Variants in GSDMC observed in about 807,000 individuals in gnomAD.
GSDMC encodes the protein gasdermin-C.
GSDMC carries 59 observed loss-of-function variants against 58.0 expected under a neutral mutation model. That is an observed-to-expected ratio of 1.02 (90% CI 0.82 to 1.26). GSDMC has a LOEUF of 1.26. GSDMC is among the 50% of genes most tolerant of loss of function. The pLI is 0.00. For synonymous variants in GSDMC, 241 were observed against 220.2 expected (o/e 1.09, Z -0.83); for missense variants, 659 against 598.5 (o/e 1.10, Z -1.06).
chr8:129,751,766 G>C (rs138317285), intron 9 of GSDMC, 96 bp downstream of exon 9: 11 of 1,301,222 alleles, frequency 8.5e-6, no homozygotes, highest in South Asian at 2.4e-5. Flanking sequence ...GCCCTAGGGC[G>C]GTGGTGGCAA....
downstream of GSDMC, among the ~76,000 whole-genome samples, chr8:129,743,234 A>C (rs2032901061): frequency 1.3e-5 from 2 of 152,176 alleles, no homozygotes; most frequent in Admixed American, 1.3e-4. Flanking sequence ...CTCCAATTAC[A>C]TGTGTTATAT....
At chr8:129,723,971 C>T in the GSDMC span, among the ~76,000 whole-genome samples, 1 of 152,156 alleles carries the variant, frequency 6.6e-6, no homozygotes, top group African/African-American at 2.4e-5. Flanking sequence ...GTTGAATTAA[C>T]TAATTAATTA....
chr8:129,717,208 T>C, the GSDMC span, among the ~76,000 whole-genome samples: 8 of 151,820 alleles, frequency 5.3e-5, no homozygotes, highest in Admixed American at 2.0e-4. Flanking sequence ...GCTTCTCTTT[T>C]ACCTCTGGTA....
Position 129,748,321 on chromosome 8 carries a change from G to A in GSDMC, c.*180C>T, listed in dbSNP as rs916000784. The A allele has an allele frequency of 5.7e-5, 29 of 507,578 alleles. No individual in the cohort carries two copies. The highest frequency in any genetic ancestry group is 3.8e-4 in the Admixed American group (12 of 31,848). 31.4% of individuals were successfully genotyped at this position (507,578 alleles called of 1,614,324 possible). A position where few individuals can be genotyped will look rare whatever the true frequency, so the allele number is the denominator to read the frequency against. ...AACTCTTGTCAATATATAAACTCTT[G>A]TCAATATATAGAGTATTCCACCACC... is the stretch of plus-strand genomic sequence containing the variant. On this transcript the variant is annotated 3_prime_UTR_variant, in exon 14 of 14. Transcript: ENST00000276708.
chr8:129,749,773 T>C (rs1274704342), intron 12 of GSDMC, among the ~76,000 whole-genome samples: 3 of 152,198 alleles, frequency 2.0e-5, no homozygotes, highest in African/African-American at 2.4e-5. Context: ...GATTTGTGGA[T>C]GAACATAAAC....
chr8:129,777,248 G>A lies in GSDMC; in HGVS notation c.220+120C>T, dbSNP rs57341267. 2,297 of 637,942 alleles carry A rather than the reference G, an allele frequency of 3.6e-3. 39 individuals are homozygous for A. Among genetic ancestry groups the A allele is most frequent in the African/African-American group, 0.033 (1,793 of 54,650 alleles). 39.5% of individuals were successfully genotyped at this position (637,942 alleles called of 1,614,324 possible). ...CTTCGTTTCTTGCCCCTTGCCTATA[G>A]GCAAGGCTAATCCTGAGAGCTCCTT... On this transcript the variant is annotated intron_variant, in intron 2 of 13. Coordinates refer to ENST00000276708, the MANE Select transcript of GSDMC (RefSeq NM_031415.3).
intron 1 of GSDMC, among the ~76,000 whole-genome samples, chr8:129,782,957 G>C (rs1181284910): frequency 6.8e-6 from 1 of 147,104 alleles, no homozygotes; most frequent in African/African-American, 2.6e-5. Context: ...AAACATCCTC[G>C]ACAAAATACT....
chr8:129,735,906 T>C, the GSDMC span, among the ~76,000 whole-genome samples: 1 of 152,158 alleles, frequency 6.6e-6, no homozygotes, highest in Non-Finnish European at 1.5e-5. Context: ...GATAGACCGC[T>C]AGCAAGACTA....
chr8:129,762,400 T>C (rs936423612), intron 5 of GSDMC, among the ~76,000 whole-genome samples: 6 of 152,190 alleles, frequency 3.9e-5, no homozygotes, highest in African/African-American at 1.4e-4. Context: ...TGTACCAGAC[T>C]GTCTGTATCT....
At chr8:129,720,870 C>T in the GSDMC span, among the ~76,000 whole-genome samples, 13 of 152,022 alleles carry the variant, frequency 8.6e-5, no homozygotes, top group South Asian at 2.1e-4. Flanking sequence ...GATTCAGAGA[C>T]GTAGTGAAAA....
chr8:129,726,702 G>A, the GSDMC span, among the ~76,000 whole-genome samples: 3 of 151,982 alleles, frequency 2.0e-5, no homozygotes, highest in Admixed American at 6.6e-5. Flanking sequence ...GTGCGTGGAC[G>A]ATTAGAGAAA....
At chr8:129,740,689 T>C in the GSDMC span, among the ~76,000 whole-genome samples, 2 of 152,198 alleles carry the variant, frequency 1.3e-5, no homozygotes, top group African/African-American at 2.4e-5. Flanking sequence ...TTTATTAGAA[T>C]GTAGCTCCAT....
chr8:129,747,781 G>A (rs542908319), downstream of GSDMC, among the ~76,000 whole-genome samples: 7 of 152,236 alleles, frequency 4.6e-5, no homozygotes, highest in South Asian at 2.1e-4. Flanking sequence ...ATGGTGAGTC[G>A]GCTGGACTGT....
the GSDMC span, among the ~76,000 whole-genome samples, chr8:129,713,982 G>C: frequency 6.6e-6 from 1 of 152,290 alleles, no homozygotes; most frequent in East Asian, 1.9e-4. Flanking sequence ...GGAGCAGACA[G>C]TTATAATACT....
chr8:129,777,716 A>C, intron 1 of GSDMC, 125 bp from the exon 2 acceptor site: 2 of 647,078 alleles, frequency 3.1e-6, no homozygotes, highest in Non-Finnish European at 5.5e-6. Flanking sequence ...TTTACTTAAA[A>C]TAGTGACTAG....
chr8:129,740,044 G>T, the GSDMC span, among the ~76,000 whole-genome samples: 1 of 151,874 alleles, frequency 6.6e-6, no homozygotes, highest in East Asian at 1.9e-4. Context: ...TTAACAAAAA[G>T]TTTACAAACT....
chr8:129,757,852 C>T (rs1453539578), intron 6 of GSDMC, among the ~76,000 whole-genome samples: 27 of 152,122 alleles, frequency 1.8e-4, no homozygotes, highest in Admixed American at 1.5e-3. Context: ...ATTAGCCAGG[C>T]ATGGTGACAC....
the GSDMC span, among the ~76,000 whole-genome samples, chr8:129,734,746 T>C: frequency 1.3e-5 from 2 of 152,142 alleles, no homozygotes. Flanking sequence ...AGGAAGAAAC[T>C]GCATCAACTA....
At chr8:129,785,841 T>C (rs1003511779) in intron 1 of GSDMC, among the ~76,000 whole-genome samples, 170 bp downstream of exon 1, 11 of 151,792 alleles carry the variant, frequency 7.2e-5, no homozygotes, top group Non-Finnish European at 1.5e-4. Flanking sequence ...TTCCTTAGCC[T>C]TACATGCTAT....
Sources: gnomAD v4.1 joint callset for allele counts (sites outside exome capture counted in the v4.1 genomes callset) on GRCh38, gnomAD v4.1.1 for gene constraint, MANE v1.5 for transcripts, NCBI Gene and HGNC (gene_info 2026-07-23, HGNC 2026-07-21) for gene names.